The following SDK1 variants were observed in gnomAD, a reference collection of about 807,000 sequenced individuals.
SDK1 encodes sidekick cell adhesion molecule 1, also known as protein sidekick-1.
Under a neutral mutation model 245.5 loss-of-function variants are expected in SDK1, and 157 were observed. The ratio of observed to expected loss-of-function variants is 0.64; its 90% CI spans 0.56 to 0.73. SDK1 has a LOEUF of 0.73. Ranked by LOEUF, SDK1 falls within the 30% of genes least tolerant of loss-of-function variation. SDK1 has a pLI of 0.00. For synonymous variants in SDK1, 1,647 were observed against 1,278.5 expected (o/e 1.29, Z -6.15); for missense variants, 3,583 against 3,002.3 (o/e 1.19, Z -4.52).
Position 4,220,115 on chromosome 7 carries a change from G to A in SDK1, c.5546G>A (p.Ser1849Asn). The change falls in exon 39 of 45, where the codon AGC (serine) becomes AAC (asparagine). Residue 1849 changes from serine (S) to asparagine (N), a missense_variant. Coordinates refer to ENST00000404826, the MANE Select transcript of SDK1 (RefSeq NM_152744.4). ...YEPLAPVQGV[S>N]KVVTVEVRGN... is the part of the protein sequence containing the mutation. Reference sequence around the variant, plus strand: ...TTGCTTCTGGCGGCTGCAGGGGTGAGCAAGGTGGTGACCGTGGAAGTGAGA... The same window carrying A: ...TTGCTTCTGGCGGCTGCAGGGGTGAACAAGGTGGTGACCGTGGAAGTGAGA... 2 of 1,613,758 alleles carry A rather than the reference G, an allele frequency of 1.2e-6. No individual in the cohort carries two copies. The highest frequency in any genetic ancestry group is 8.5e-7 in the Non-Finnish European group (1 of 1,179,762).
chr7:3,418,266 G>A (rs960179488), intron 1 of SDK1, among the ~76,000 whole-genome samples: 34 of 151,924 alleles, frequency 2.2e-4, no homozygotes, highest in African/African-American at 7.7e-4. Context: ...GCAGTGAGCC[G>A]AGATTGCGCC....
chr7:3,552,374 A>G (rs1446084468), intron 1 of SDK1, among the ~76,000 whole-genome samples: 4 of 152,144 alleles, frequency 2.6e-5, no homozygotes, highest in Non-Finnish European at 5.9e-5. Context: ...GGTTCCTGGA[A>G]GTTGAAGTCC....
rs192722113 is a variant in SDK1 at position 3,647,941 on chromosome 7, A to G, written c.713+5836A>G. 2.1e-3 allele frequency among the ~76,000 whole-genome samples: 313 copies of G among 152,294 alleles called. 4 individuals carry two copies. Among genetic ancestry groups the G allele is most frequent in the African/African-American group, 7.4e-3 (308 of 41,562 alleles). ...TGATGAGGCAGAAAAAATATCTTGGAAAGACGAACAGTATATTGAGAGAAT... is the reference window on the plus strand; with the variant it reads ...TGATGAGGCAGAAAAAATATCTTGGGAAGACGAACAGTATATTGAGAGAAT... On this transcript the variant is annotated intron_variant, in intron 4 of 44. Coordinates refer to ENST00000404826, the MANE Select transcript of SDK1 (RefSeq NM_152744.4).
At chr7:3,827,426 T>A (rs1779804851) in intron 5 of SDK1, among the ~76,000 whole-genome samples, 1 of 152,220 alleles carries the variant, frequency 6.6e-6, no homozygotes, top group African/African-American at 2.4e-5. Context: ...TGGGCAATTA[T>A]CTGAGGGTGT....
At chr7:3,820,676 C>G (rs1471119154) in intron 4 of SDK1, among the ~76,000 whole-genome samples, 1 of 152,160 alleles carries the variant, frequency 6.6e-6, no homozygotes, top group African/African-American at 2.4e-5. Flanking sequence ...GTGAAAACAC[C>G]TTCTCCCTTC....
chr7:3,510,606 C>T (rs1439343256), intron 1 of SDK1, among the ~76,000 whole-genome samples: 1 of 151,986 alleles, frequency 6.6e-6, no homozygotes, highest in East Asian at 1.9e-4. Context: ...AGAGAATGGC[C>T]CAAGACAGGT....
At chr7:3,986,509 C>A (rs991015632) in intron 13 of SDK1, among the ~76,000 whole-genome samples, 39 of 152,250 alleles carry the variant, frequency 2.6e-4, no homozygotes, top group African/African-American at 9.4e-4. Context: ...TGTGGCATTT[C>A]CATGACCAGC....
At position 3,777,672 on chromosome 7, in the gene SDK1, G is replaced by A. The variant is rs146360294; in HGVS notation, c.714-43778G>A. Among the ~76,000 whole-genome samples, 40 of 152,182 alleles carry A rather than the reference G, an allele frequency of 2.6e-4. No individual in the cohort carries two copies. In the East Asian group the frequency reaches 7.3e-3, roughly 28 times the overall value. On this transcript the variant is annotated intron_variant, in intron 4 of 44. Coordinates refer to ENST00000404826, the MANE Select transcript of SDK1 (RefSeq NM_152744.4). Reference sequence around the variant, plus strand: ...CCAGGGTGGGTATTCACATATTTTCGATTGACCACCAGCTTAAAACTTCCC... The same window carrying A: ...CCAGGGTGGGTATTCACATATTTTCAATTGACCACCAGCTTAAAACTTCCC...
chr7:3,956,575 G>A (rs922409696), intron 7 of SDK1, among the ~76,000 whole-genome samples: 1 of 152,204 alleles, frequency 6.6e-6, no homozygotes, highest in African/African-American at 2.4e-5. Flanking sequence ...ACAATGAACA[G>A]CCAGATGTTT....
At chr7:3,807,043 T>G (rs10249032) in intron 4 of SDK1, among the ~76,000 whole-genome samples, 167 of 152,326 alleles carry the variant, frequency 1.1e-3, no homozygotes, top group African/African-American at 4.0e-3. Flanking sequence ...TCATCTTATT[T>G]TCTCATTTTA....
Position 4,265,438 on chromosome 7 carries a change from T to C in SDK1, c.*54T>C. On this transcript the variant is annotated 3_prime_UTR_variant, in exon 45 of 45. Transcript: ENST00000404826. ...AACGGAGGCAACTTTCCGGAGTCTA[T>C]TTTTGTTAAGACAATCAACTCCAAT... 7.1e-7 allele frequency: 1 copy of C among 1,400,448 alleles called. No individual in the cohort carries two copies. The highest frequency in any genetic ancestry group is 9.2e-7 in the Non-Finnish European group (1 of 1,085,792). The allele number at this position is 1,400,448 out of a possible 1,614,324, so 86.8% of individuals were successfully genotyped here. A position where few individuals can be genotyped will look rare whatever the true frequency, so the allele number is the denominator to read the frequency against.
chr7:3,867,226 C>T (rs1357400258), intron 5 of SDK1, among the ~76,000 whole-genome samples: 4 of 152,264 alleles, frequency 2.6e-5, no homozygotes, highest in African/African-American at 9.6e-5. Context: ...TGAGTTCAAA[C>T]TGGCCAAAGA....
At chr7:3,463,738 C>G (rs1780904492) in intron 1 of SDK1, among the ~76,000 whole-genome samples, 1 of 152,216 alleles carries the variant, frequency 6.6e-6, no homozygotes, top group African/African-American at 2.4e-5. Context: ...CTGCTGGTCT[C>G]ACTCCTTGAA....
intron 1 of SDK1, among the ~76,000 whole-genome samples, chr7:3,308,121 G>A (rs893540234): frequency 6.6e-5 from 10 of 152,120 alleles, no homozygotes; most frequent in African/African-American, 2.4e-4. Context: ...TTTAGGTTCT[G>A]TAAAACAAAT....
intron 17 of SDK1, among the ~76,000 whole-genome samples, chr7:4,040,683 G>A (rs1237074926): frequency 6.6e-6 from 1 of 152,106 alleles, no homozygotes; most frequent in African/African-American, 2.4e-5. Context: ...TTTGCATAAG[G>A]CACAAAAAAC....
At chr7:3,418,879 C>T (rs1030603978) in intron 1 of SDK1, among the ~76,000 whole-genome samples, 3 of 152,184 alleles carry the variant, frequency 2.0e-5, no homozygotes, top group Non-Finnish European at 4.4e-5. Context: ...TGCACGTACT[C>T]AGTCTTACAG....
chr7:3,726,480 G>A (rs1779011867), intron 4 of SDK1, among the ~76,000 whole-genome samples: 1 of 152,216 alleles, frequency 6.6e-6, no homozygotes, highest in African/African-American at 2.4e-5. Flanking sequence ...ATGTTTTCCT[G>A]TAGGAAGTAA....
rs1327802700 is a variant in SDK1 at position 3,584,438 on chromosome 7, A to G, written c.299-34642A>G. Among the ~76,000 whole-genome samples, 8 of 152,106 alleles carry G rather than the reference A, an allele frequency of 5.3e-5. 1 individual carries two copies. In the South Asian group the frequency reaches 8.3e-4, roughly 16 times the overall value. On this transcript the variant is annotated intron_variant, in intron 1 of 44. Coordinates refer to ENST00000404826, the MANE Select transcript of SDK1 (RefSeq NM_152744.4). The stretch of plus-strand genomic sequence containing the variant: ...GCTTTCACTTCGTTTCTGGACTTGG[A>G]TAAAATGCTGCAAACAGGGTTGCTA...
At chr7:4,064,131 A>G (rs1169884314) in intron 19 of SDK1, among the ~76,000 whole-genome samples, 1 of 152,226 alleles carries the variant, frequency 6.6e-6, no homozygotes, top group African/African-American at 2.4e-5. Flanking sequence ...TGGTAAACAG[A>G]GTGAAGAGAC....
Sources: allele counts gnomAD v4.1 joint callset (sites outside exome capture counted in the v4.1 genomes callset), GRCh38; gene constraint gnomAD v4.1.1; transcripts MANE v1.5; gene names NCBI Gene and HGNC (gene_info 2026-07-23, HGNC 2026-07-21).